Variants in MSR1 observed in about 807,000 individuals in gnomAD.
MSR1 encodes macrophage scavenger receptor types I and II.
MSR1 carries 53 observed loss-of-function variants against 47.2 expected under a neutral mutation model. The observed-to-expected ratio is 1.12, with a 90% CI of 0.90 to 1.41. MSR1 has a LOEUF of 1.41. Ranked by LOEUF, MSR1 falls within the 40% of genes most tolerant of loss-of-function variation. The pLI, the probability that MSR1 is intolerant of heterozygous loss-of-function variation, is 0.00. For synonymous variants in MSR1, 239 were observed against 185.6 expected, an observed-to-expected ratio of 1.29 and a Z score of -2.34; for missense variants, 786 against 546.9, an observed-to-expected ratio of 1.44 and a Z score of -4.36.
intron 5 of MSR1, among the ~76,000 whole-genome samples, chr8:16,158,386 A>C (rs7817978): frequency 1.3e-5 from 2 of 151,746 alleles, no homozygotes; most frequent in African/African-American, 2.4e-5. Flanking sequence ...GATAATCATC[A>C]ATATCATAGA....
At chr8:16,165,082 G>A (rs1032700432) in intron 4 of MSR1, among the ~76,000 whole-genome samples, 2 of 151,960 alleles carry the variant, frequency 1.3e-5, no homozygotes, top group African/African-American at 4.8e-5. Flanking sequence ...ACTAAACAAT[G>A]CTGCCATGAA....
chr8:16,184,644 G>A (rs1005170144), intron 1 of MSR1, among the ~76,000 whole-genome samples: 3 of 152,062 alleles, frequency 2.0e-5, no homozygotes, highest in East Asian at 1.9e-4. Flanking sequence ...CTATACAAAT[G>A]AAGTAAAAAT....
intron 1 of MSR1, 60 bp from the exon 2 acceptor site, chr8:16,178,052 A>G (rs1274798384): frequency 1.2e-5 from 16 of 1,326,122 alleles, no homozygotes; most frequent in South Asian, 2.4e-5. Flanking sequence ...GCTCTTTTGC[A>G]TAATGTTTTA....
At chr8:16,162,448 C>T (rs1484751) in intron 5 of MSR1, among the ~76,000 whole-genome samples, 53,248 of 151,824 alleles carry the variant, frequency 0.35, 10,855 homozygotes, top group South Asian at 0.47. Flanking sequence ...GCTTTTAGAA[C>T]GGAGAACAAT....
intron 6 of MSR1, among the ~76,000 whole-genome samples, chr8:16,151,061 C>T (rs1800844796): frequency 6.6e-6 from 1 of 151,912 alleles, no homozygotes; most frequent in Non-Finnish European, 1.5e-5. Flanking sequence ...AATATTTTAT[C>T]CTAGAGTTCA....
At chr8:16,180,941 ATCT>A (rs1317746076) in intron 1 of MSR1, among the ~76,000 whole-genome samples, 2 of 152,074 alleles carry the variant, frequency 1.3e-5, no homozygotes, top group African/African-American at 2.4e-5. Context: ...TAGAACCCAA[ATCT>A]TCTCCTTTCT....
At chr8:16,183,479 T>A (rs962054984) in intron 1 of MSR1, among the ~76,000 whole-genome samples, 2 of 148,424 alleles carry the variant, frequency 1.3e-5, no homozygotes, top group Non-Finnish European at 1.5e-5. Context: ...TATGAATAGA[T>A]GAATAACTAT....
At chr8:16,168,946 C>T in intron 3 of MSR1, 76 bp from the exon 4 acceptor site, 1 of 1,385,478 alleles carries the variant, frequency 7.2e-7, no homozygotes, top group Non-Finnish European at 1.0e-6. Flanking sequence ...CATATCATTC[C>T]ATTCCGTTCA....
At chr8:16,144,449 C>A (rs1263958904) in intron 7 of MSR1, among the ~76,000 whole-genome samples, 1 of 152,078 alleles carries the variant, frequency 6.6e-6, no homozygotes, top group Non-Finnish European at 1.5e-5. Flanking sequence ...GTCTCAAAGT[C>A]AAAACCTTTG....
chr8:16,122,643 G>A (rs1800030049), intron 8 of MSR1, among the ~76,000 whole-genome samples: 1 of 151,962 alleles, frequency 6.6e-6, no homozygotes, highest in Admixed American at 6.6e-5. Context: ...TTGGTCCAGG[G>A]ACCACACTTT....
At chr8:16,176,108 A>T (rs552501921) in intron 2 of MSR1, among the ~76,000 whole-genome samples, 10 of 152,316 alleles carry the variant, frequency 6.6e-5, no homozygotes, top group African/African-American at 2.2e-4. Context: ...TTGATCAATT[A>T]AAAAAAGTAA....
Position 16,169,430 on chromosome 8 carries a change from T to C in MSR1, c.218-560A>G, listed in dbSNP as rs34981739. On this transcript the variant is annotated intron_variant, in intron 3 of 9. Transcript: ENST00000262101. Reference sequence around the variant, plus strand: ...CATTTTCAGTTAATACAGACCTAATTCACAGTTGGTGGAGCAGGAAATTGG... The same window carrying C: ...CATTTTCAGTTAATACAGACCTAATCCACAGTTGGTGGAGCAGGAAATTGG... Among the ~76,000 whole-genome samples the C allele has an allele frequency of 1.8e-3, 273 of 152,294 alleles. 3 individuals carry two copies. The South Asian group carries it at 0.032, about 18-fold the overall frequency.
At chr8:16,140,348 G>T (rs886177969) in intron 8 of MSR1, 36 of 984,902 alleles carry the variant, frequency 3.7e-5, no homozygotes, top group Non-Finnish European at 4.3e-5. Context: ...TTTGGAAAGA[G>T]ACCAGTATTC....
intron 8 of MSR1, among the ~76,000 whole-genome samples, chr8:16,136,366 T>A (rs1800389865): frequency 6.6e-6 from 1 of 152,138 alleles, no homozygotes; most frequent in Non-Finnish European, 1.5e-5. Context: ...AAGGTTCAAA[T>A]GATTGTTAGC....
intron 1 of MSR1, chr8:16,186,063 T>C (rs1801989223): frequency 9.3e-7 from 1 of 1,071,438 alleles, no homozygotes; most frequent in Admixed American, 2.3e-5. Flanking sequence ...TTTTCCTGTG[T>C]GGTAGAAGCA....
chr8:16,115,191 T>C (rs1442221796), intron 9 of MSR1, among the ~76,000 whole-genome samples: 1 of 152,056 alleles, frequency 6.6e-6, no homozygotes, highest in Non-Finnish European at 1.5e-5. Flanking sequence ...AAAAAAAAAT[T>C]GTTTTCTTTT....
At chr8:16,147,537 G>A (rs1484710835) in intron 7 of MSR1, among the ~76,000 whole-genome samples, 2 of 152,174 alleles carry the variant, frequency 1.3e-5, no homozygotes, top group Non-Finnish European at 2.9e-5. Context: ...AAGTATCAAA[G>A]AGTGTTTATA....
intron 1 of MSR1, among the ~76,000 whole-genome samples, chr8:16,184,445 C>G (rs1354696157): frequency 6.6e-6 from 1 of 151,992 alleles, no homozygotes; most frequent in Non-Finnish European, 1.5e-5. Flanking sequence ...CTATAATAAC[C>G]TTAGTTAGGT....
At chr8:16,168,990 T>G (rs1208996312) in intron 3 of MSR1, 120 bp from the exon 4 acceptor site, 9 of 1,020,990 alleles carry the variant, frequency 8.8e-6, no homozygotes, top group Non-Finnish European at 1.3e-5. Context: ...TTTTGAATGC[T>G]AGGCTAAATC....
Sources: allele counts gnomAD v4.1 joint callset (sites outside exome capture counted in the v4.1 genomes callset), GRCh38; gene constraint gnomAD v4.1.1; transcripts MANE v1.5; gene names NCBI Gene and HGNC (gene_info 2026-07-23, HGNC 2026-07-21).